FAM110B: variants seen among roughly 807,000 people sequenced by gnomAD.
FAM110B encodes protein FAM110B.
A neutral mutation model predicts 20.4 loss-of-function variants in FAM110B; 6 were observed. The ratio of observed to expected loss-of-function variants is 0.29; its 90% CI spans 0.16 to 0.58. The LOEUF (loss-of-function observed/expected upper bound fraction) is 0.58. Among genes scored for constraint, FAM110B ranks in the 20% least tolerant of loss-of-function variants. The pLI, the probability that FAM110B is intolerant of heterozygous loss-of-function variation, is 0.90. For synonymous variants in FAM110B, 226 were observed against 214.1 expected (o/e 1.06, Z -0.49); for missense variants, 434 against 498.2 (o/e 0.87, Z 1.23).
chr8:58,080,744 A>G (rs1806168533), intron 3 of FAM110B, among the ~76,000 whole-genome samples: 4 of 152,158 alleles, frequency 2.6e-5, no homozygotes, highest in African/African-American at 9.7e-5. Context: ...CAAAAACCTA[A>G]ATATATTCCT....
At chr8:58,107,529 C>T (rs987140795) in intron 3 of FAM110B, among the ~76,000 whole-genome samples, 1 of 152,188 alleles carries the variant, frequency 6.6e-6, no homozygotes, top group Non-Finnish European at 1.5e-5. Context: ...TTGTAGTATG[C>T]ATGCAGAATG....
At chr8:58,087,754 C>A (rs1190095931) in intron 3 of FAM110B, among the ~76,000 whole-genome samples, 6 of 152,140 alleles carry the variant, frequency 3.9e-5, no homozygotes, top group African/African-American at 1.4e-4. Context: ...ATCTATTTTG[C>A]ATACCAATGT....
intron 3 of FAM110B, among the ~76,000 whole-genome samples, chr8:58,120,885 C>A (rs1807342730): frequency 6.6e-6 from 1 of 152,146 alleles, no homozygotes; most frequent in Non-Finnish European, 1.5e-5. Flanking sequence ...GAGGCCCATT[C>A]CCTCCCAGAG....
At chr8:58,097,036 C>T (rs1015755626) in intron 3 of FAM110B, among the ~76,000 whole-genome samples, 2 of 152,118 alleles carry the variant, frequency 1.3e-5, no homozygotes, top group Non-Finnish European at 1.5e-5. Flanking sequence ...TCGCTCTTCT[C>T]GAGGAGTATC....
intron 3 of FAM110B, among the ~76,000 whole-genome samples, chr8:58,077,585 TCAGTTTCTCATATGCC>T (rs1451065349): frequency 6.6e-6 from 1 of 152,124 alleles, no homozygotes; most frequent in African/African-American, 2.4e-5. Flanking sequence ...TCTGTGAGCC[TCAGTTTCTCATATGCC>T]AAGTAAGAAG....
chr8:58,145,983 A>C lies in FAM110B; in HGVS notation c.-248A>C. 2 of 438,400 alleles carry C rather than the reference A, an allele frequency of 4.6e-6. No homozygotes were observed. The highest frequency in any genetic ancestry group is 4.6e-5 in the South Asian group (1 of 21,532). 27.2% of individuals were successfully genotyped at this position (438,400 alleles called of 1,614,324 possible). A position where few individuals can be genotyped will look rare whatever the true frequency, so the allele number is the denominator to read the frequency against. ...GGGAGAAGAAAGGAGGCAGCGAAGC[A>C]GATTAAAGGAACTTGTGGCTTGTGG... On this transcript the variant is annotated 5_prime_UTR_variant, in exon 4 of 4. Coordinates refer to ENST00000519262, the MANE Select transcript of FAM110B (RefSeq NM_001377989.1).
At chr8:58,065,444 G>T (rs1445019201) in intron 2 of FAM110B, among the ~76,000 whole-genome samples, 1 of 152,158 alleles carries the variant, frequency 6.6e-6, no homozygotes, top group African/African-American at 2.4e-5. Flanking sequence ...TCATAACCTA[G>T]AGGATGCCTA....
At chr8:58,140,102 G>A (rs1182957871) in intron 3 of FAM110B, among the ~76,000 whole-genome samples, 1 of 152,096 alleles carries the variant, frequency 6.6e-6, no homozygotes, top group East Asian at 1.9e-4. Flanking sequence ...AGGGTGCAGA[G>A]GAAGAAGGGA....
chr8:58,051,538 A>G (rs1220030633), intron 2 of FAM110B, among the ~76,000 whole-genome samples: 1 of 152,130 alleles, frequency 6.6e-6, no homozygotes, highest in Non-Finnish European at 1.5e-5. Flanking sequence ...GCTTGTTAGG[A>G]CTTGTGAACA....
intron 1 of FAM110B, among the ~76,000 whole-genome samples, chr8:58,028,244 C>G (rs143090592): frequency 0.029 from 4,467 of 152,242 alleles, 233 homozygotes; most frequent in African/African-American, 0.1. Context: ...GCTGGGATTA[C>G]AGGCGCCTGC....
chr8:58,114,432 A>G (rs1585898265), intron 3 of FAM110B, among the ~76,000 whole-genome samples: 1 of 152,164 alleles, frequency 6.6e-6, no homozygotes, highest in Non-Finnish European at 1.5e-5. Context: ...AAGTGTATTC[A>G]CCCTACCCAG....
intron 3 of FAM110B, among the ~76,000 whole-genome samples, chr8:58,098,162 T>A (rs960748253): frequency 6.6e-6 from 1 of 152,126 alleles, no homozygotes; most frequent in Non-Finnish European, 1.5e-5. Flanking sequence ...TTCCCCCAGG[T>A]GTTCTGTCCC....
chr8:58,047,222 G>A (rs560799602), intron 2 of FAM110B, among the ~76,000 whole-genome samples: 12 of 152,170 alleles, frequency 7.9e-5, no homozygotes, highest in African/African-American at 2.6e-4. Context: ...TTTTGGAAGC[G>A]GTGACTGAGC....
chr8:57,995,032 C>A (rs1422121328), intron 1 of FAM110B, among the ~76,000 whole-genome samples: 2 of 152,060 alleles, frequency 1.3e-5, no homozygotes, highest in African/African-American at 4.8e-5. Context: ...TCTGGGCTGC[C>A]GGGGGAGGCG....
intron 1 of FAM110B, among the ~76,000 whole-genome samples, chr8:58,029,538 A>ATT (rs142791553): frequency 4.0e-5 from 6 of 150,266 alleles, no homozygotes; most frequent in South Asian, 2.1e-4. Context: ...ATTAGAAATG[A>ATT]TTTTTTTTTT....
At chr8:58,063,197 T>G (rs1416233527) in intron 2 of FAM110B, among the ~76,000 whole-genome samples, 1 of 152,188 alleles carries the variant, frequency 6.6e-6, no homozygotes, top group Non-Finnish European at 1.5e-5. Flanking sequence ...GAGGGGCCGC[T>G]CATGAAACAT....
chr8:58,037,877 A>C (rs1248196076), intron 2 of FAM110B, among the ~76,000 whole-genome samples: 1 of 151,736 alleles, frequency 6.6e-6, no homozygotes, highest in Admixed American at 6.6e-5. Flanking sequence ...GACTATCTTG[A>C]TTTTCGCTTT....
chr8:58,098,800 T>C (rs896383905), intron 3 of FAM110B: 7 of 152,298 alleles, frequency 4.6e-5, no homozygotes, highest in African/African-American at 1.7e-4. Flanking sequence ...TGGCTCCTTG[T>C]ACTTCCCGGA....
At chr8:58,029,263 C>T (rs958185388) in intron 1 of FAM110B, among the ~76,000 whole-genome samples, 3 of 152,110 alleles carry the variant, frequency 2.0e-5, no homozygotes, top group Non-Finnish European at 2.9e-5. Flanking sequence ...CTCTATAAAT[C>T]GACTTGAAAA....
Sources: allele counts gnomAD v4.1 joint callset (sites outside exome capture counted in the v4.1 genomes callset), GRCh38; gene constraint gnomAD v4.1.1; transcripts MANE v1.5; gene names NCBI Gene and HGNC (gene_info 2026-07-23, HGNC 2026-07-21).